Variants in PRDM10 observed in about 807,000 individuals in gnomAD.
PRDM10 encodes the protein PR/SET domain 10, also known as PR domain zinc finger protein 10.
PRDM10 carries 65 observed loss-of-function variants against 133.1 expected under a neutral mutation model. That is an observed-to-expected ratio of 0.49 (90% CI 0.40 to 0.60). The LOEUF is 0.60. Ranked by LOEUF, PRDM10 falls within the 20% of genes least tolerant of loss-of-function variation. The pLI is 0.00. For missense variants in PRDM10, 1,137 were observed against 1,507.1 expected, an observed-to-expected ratio of 0.75 and a Z score of 4.07; for synonymous variants, 582 against 580.4, an observed-to-expected ratio of 1.00 and a Z score of -0.04.
chr11:129,929,620 C>G (rs995644893), intron 11 of PRDM10, among the ~76,000 whole-genome samples: 1 of 152,078 alleles, frequency 6.6e-6, no homozygotes, highest in Non-Finnish European at 1.5e-5. Context: ...ATATGGCTTT[C>G]GCTTTGACAC....
At chr11:129,946,767 G>T (rs1049973686) in intron 5 of PRDM10, among the ~76,000 whole-genome samples, 1 of 152,242 alleles carries the variant, frequency 6.6e-6, no homozygotes, top group Non-Finnish European at 1.5e-5. Flanking sequence ...AGGCAAAGCA[G>T]CAAGGCAAAC....
chr11:129,977,528 C>T (rs1937848019), intron 1 of PRDM10, among the ~76,000 whole-genome samples: 1 of 152,278 alleles, frequency 6.6e-6, no homozygotes, highest in Non-Finnish European at 1.5e-5. Flanking sequence ...ATGATCTGCC[C>T]GCCTCGGCCT....
intron 1 of PRDM10, among the ~76,000 whole-genome samples, chr11:129,976,593 A>G (rs1007161088): frequency 1.3e-5 from 2 of 152,234 alleles, no homozygotes; most frequent in Admixed American, 1.3e-4. Flanking sequence ...TGATGACCAC[A>G]TGACTGAGAG....
At chr11:129,977,743 C>G (rs1937866503) in intron 1 of PRDM10, among the ~76,000 whole-genome samples, 1 of 152,068 alleles carries the variant, frequency 6.6e-6, no homozygotes, top group Admixed American at 6.6e-5. Context: ...TGACTTGAGC[C>G]CAGGAGTTCG....
chr11:129,970,242 A>T (rs1481139456), intron 1 of PRDM10, among the ~76,000 whole-genome samples: 3 of 152,228 alleles, frequency 2.0e-5, no homozygotes, highest in Admixed American at 6.5e-5. Flanking sequence ...AATCTTGAGG[A>T]CGTTACACTA....
At chr11:130,000,168 C>T (rs1591714796) in intron 1 of PRDM10, among the ~76,000 whole-genome samples, 1 of 151,872 alleles carries the variant, frequency 6.6e-6, no homozygotes, top group African/African-American at 2.4e-5. Context: ...CTCAGCCTCC[C>T]GAGTAGTTGG....
intron 14 of PRDM10, among the ~76,000 whole-genome samples, chr11:129,917,905 T>A (rs887115685): frequency 3.9e-5 from 6 of 152,014 alleles, no homozygotes; most frequent in African/African-American, 1.4e-4. Flanking sequence ...CTGAGGCAGG[T>A]GGATCACCTG....
chr11:129,942,580 A>G lies in PRDM10; in HGVS notation c.812T>C (p.Leu271Pro), dbSNP rs1439992643. ...DRKERDLHED[L>P]WFELSDETLC... ...CGTCTCATCAGACAACTCAAACCATAGGTCTTCATGTAAATCCCTTTCTTT... is the reference window on the plus strand; with the variant it reads ...CGTCTCATCAGACAACTCAAACCATGGGTCTTCATGTAAATCCCTTTCTTT... The change falls in exon 7 of 21, where the codon CTA becomes CCA. Residue 271 changes from leucine (L) to proline (P), a missense_variant. By Grantham distance (98) the Leu-to-Pro change is moderately conservative. Coordinates refer to ENST00000360871, the MANE Select transcript of PRDM10 (RefSeq NM_199437.2). 1 of 1,613,550 alleles carries G rather than the reference A, an allele frequency of 6.2e-7. No individual in the cohort carries two copies. Among genetic ancestry groups the G allele is most frequent in the Non-Finnish European group, 8.5e-7 (1 of 1,179,852 alleles).
intron 8 of PRDM10, among the ~76,000 whole-genome samples, chr11:129,936,903 C>T (rs1951051730): frequency 6.6e-6 from 1 of 152,146 alleles, no homozygotes; most frequent in Non-Finnish European, 1.5e-5. Flanking sequence ...ATGGATACAT[C>T]AACTGTTTTA....
chr11:129,996,807 T>G (rs1426679388), intron 1 of PRDM10, among the ~76,000 whole-genome samples: 2 of 115,728 alleles, frequency 1.7e-5, no homozygotes, highest in Non-Finnish European at 3.4e-5. Context: ...CATTTAGAAC[T>G]GTGTGCTTTG....
chr11:129,946,703 T>G (rs12807328), intron 5 of PRDM10, among the ~76,000 whole-genome samples: 38,010 of 151,970 alleles, frequency 0.25, 6,899 homozygotes, highest in East Asian at 0.61. Context: ...GGTAGTAGAC[T>G]CAGGGCACTC....
At position 129,910,471 on chromosome 11, in the gene PRDM10, C is replaced by T. The variant is rs1291562144; in HGVS notation, c.3163+5G>A. 1.2e-6 allele frequency: 2 copies of T among 1,613,952 alleles called. No individual in the cohort carries two copies. The highest frequency in any genetic ancestry group is 1.3e-5 in the African/African-American group (1 of 75,048). On this transcript the variant is annotated splice_donor_5th_base_variant and intron_variant, in intron 19 of 20. Transcript: ENST00000360871. ...ACCGACACGGCATCGTCCCTTCTTA[C>T]TTACAATAGCCACGGAAGGAATTCC...
intron 1 of PRDM10, among the ~76,000 whole-genome samples, chr11:129,988,750 C>T (rs951540038): frequency 1.3e-5 from 2 of 152,090 alleles, no homozygotes; most frequent in Non-Finnish European, 2.9e-5. Context: ...CTGCCTCAGC[C>T]TCCCGAGTAG....
intron 1 of PRDM10, among the ~76,000 whole-genome samples, chr11:129,968,502 C>T (rs768832692): frequency 2.0e-5 from 3 of 152,044 alleles, no homozygotes; most frequent in Admixed American, 6.6e-5. Context: ...CCCAGACAGA[C>T]GGGGACCAGG....
intron 10 of PRDM10, among the ~76,000 whole-genome samples, 155 bp downstream of exon 10, chr11:129,931,947 T>C (rs927666515): frequency 1.2e-4 from 18 of 152,214 alleles, no homozygotes; most frequent in Non-Finnish European, 2.5e-4. Flanking sequence ...CATTCTTTTC[T>C]GGCATTATCC....
At chr11:129,907,490 C>T (rs970039028) in intron 19 of PRDM10, among the ~76,000 whole-genome samples, 6 of 152,096 alleles carry the variant, frequency 3.9e-5, no homozygotes, top group African/African-American at 1.4e-4. Flanking sequence ...CCACAACCTT[C>T]GCCTCCTGGA....
At chr11:129,985,692 G>C (rs1938370892) in intron 1 of PRDM10, among the ~76,000 whole-genome samples, 1 of 148,058 alleles carries the variant, frequency 6.8e-6, no homozygotes, top group African/African-American at 2.5e-5. Context: ...GCTGAGGTAG[G>C]AGGATCACTT....
Position 129,947,029 on chromosome 11 carries a change from G to T in PRDM10, c.520+116C>A. ...TGAAGCAAGCAGAGAATGTAGCACAGTTGGCTGCACACGGAAGGACCTGAC... is the reference window on the plus strand; with the variant it reads ...TGAAGCAAGCAGAGAATGTAGCACATTTGGCTGCACACGGAAGGACCTGAC... On this transcript the variant is annotated intron_variant, in intron 5 of 20. Transcript: ENST00000360871. This position sits in a 1 kb window ranked among gnomAD's most constrained non-coding sequence, Gnocchi z 4.6. 1 of 1,391,226 alleles carries T rather than the reference G, an allele frequency of 7.2e-7. No homozygotes were observed. The highest frequency in any genetic ancestry group is 9.8e-7 in the Non-Finnish European group (1 of 1,016,054). The allele number at this position is 1,391,226 out of a possible 1,614,324, so 86.2% of individuals were successfully genotyped here.
At chr11:129,921,717 G>C (rs917918971) in intron 13 of PRDM10, among the ~76,000 whole-genome samples, 38 of 152,174 alleles carry the variant, frequency 2.5e-4, no homozygotes, top group African/African-American at 8.7e-4. Flanking sequence ...TTCCGAGTTG[G>C]GGTTAGCCAA....
Sources: gnomAD v4.1 joint callset for allele counts (sites outside exome capture counted in the v4.1 genomes callset) on GRCh38, gnomAD v4.1.1 for gene constraint, Gnocchi (gnomAD v3.1) non-coding constraint, MANE v1.5 for transcripts, NCBI Gene and HGNC (gene_info 2026-07-23, HGNC 2026-07-21) for gene names.